RNF220: variants seen among roughly 807,000 people sequenced by gnomAD.
RNF220 encodes E3 ubiquitin-protein ligase RNF220.
A neutral mutation model predicts 67.1 loss-of-function variants in RNF220; 7 were observed. That is an observed-to-expected ratio of 0.10 (90% CI 0.06 to 0.20). The LOEUF (loss-of-function observed/expected upper bound fraction) is 0.20. Ranked by LOEUF, RNF220 falls within the 10% of genes least tolerant of loss-of-function variation. RNF220 has a pLI of 1.00. For missense variants in RNF220, 565 were observed against 740.3 expected (o/e 0.76, Z 2.75); for synonymous variants, 270 against 283.2 (o/e 0.95, Z 0.47).
chr1:44,548,256 A>G (rs1374957427), intron 2 of RNF220, among the ~76,000 whole-genome samples: 2 of 152,128 alleles, frequency 1.3e-5, no homozygotes, highest in Non-Finnish European at 2.9e-5. Context: ...TTCACCATCC[A>G]GTCTTTCTCC....
chr1:44,505,844 CCT>C (rs1312929177), intron 2 of RNF220, among the ~76,000 whole-genome samples: 1 of 151,952 alleles, frequency 6.6e-6, no homozygotes, highest in Non-Finnish European at 1.5e-5. Flanking sequence ...TTTCTTTTTT[CCT>C]CTTTCTTCGT....
At chr1:44,489,812 T>G (rs1656687111) in intron 2 of RNF220, among the ~76,000 whole-genome samples, 1 of 151,992 alleles carries the variant, frequency 6.6e-6, no homozygotes, top group Non-Finnish European at 1.5e-5. Context: ...TTCACCAGAA[T>G]CCCATTGGCT....
At chr1:44,436,458 A>C (rs1475388902) in intron 2 of RNF220, among the ~76,000 whole-genome samples, 1 of 152,146 alleles carries the variant, frequency 6.6e-6, no homozygotes, top group Non-Finnish European at 1.5e-5. Flanking sequence ...GAAAAGGCCC[A>C]ACAGTGTACA....
intron 2 of RNF220, among the ~76,000 whole-genome samples, chr1:44,574,144 A>G (rs376736834): frequency 2.0e-5 from 3 of 152,310 alleles, no homozygotes; most frequent in African/African-American, 7.2e-5. Flanking sequence ...TGAATGAACG[A>G]ATGAATGAAT....
chr1:44,421,817 G>A (rs908910635), intron 2 of RNF220, among the ~76,000 whole-genome samples: 2 of 152,154 alleles, frequency 1.3e-5, no homozygotes, highest in Non-Finnish European at 2.9e-5. Context: ...GGAGTAGGAG[G>A]ATGGGAGTGG....
intron 2 of RNF220, among the ~76,000 whole-genome samples, chr1:44,466,428 T>G (rs947030445): frequency 6.6e-6 from 1 of 152,194 alleles, no homozygotes; most frequent in Middle Eastern, 3.2e-3. Context: ...TTTGGCCCCC[T>G]CCCATGAATC....
rs2148449544 is a variant in RNF220, at chr1:44,622,388, G to C, written c.759-354G>C. On this transcript the variant is annotated intron_variant, in intron 3 of 14. Transcript: ENST00000361799. This position sits in a 1 kb window ranked among gnomAD's most constrained non-coding sequence, Gnocchi z 4.3. ...TCCCACAGGAGCTAAGAGCGGGCTGGGAACAGGGGGTGGAGAGAAGGGGGT... is the reference window on the plus strand; with the variant it reads ...TCCCACAGGAGCTAAGAGCGGGCTGCGAACAGGGGGTGGAGAGAAGGGGGT... Among the ~76,000 whole-genome samples the C allele has an allele frequency of 6.6e-6, 1 of 152,358 alleles. No homozygotes were observed. The highest frequency in any genetic ancestry group is 2.1e-4 in the South Asian group (1 of 4,830).
chr1:44,530,827 G>A (rs912921244), intron 2 of RNF220, among the ~76,000 whole-genome samples: 2 of 152,128 alleles, frequency 1.3e-5, no homozygotes, highest in Non-Finnish European at 2.9e-5. Flanking sequence ...GCCAGGCATG[G>A]TGGTGCACTC....
intron 2 of RNF220, among the ~76,000 whole-genome samples, chr1:44,563,061 CTT>C (rs1663709572): frequency 6.6e-6 from 1 of 152,192 alleles, no homozygotes; most frequent in Non-Finnish European, 1.5e-5. Flanking sequence ...GAATGAAGTG[CTT>C]TGGTGGGAAC....
At chr1:44,595,328 G>A (rs897678220) in intron 2 of RNF220, among the ~76,000 whole-genome samples, 3 of 152,126 alleles carry the variant, frequency 2.0e-5, no homozygotes, top group African/African-American at 4.8e-5. Context: ...TACTGGCCAC[G>A]GACACCTAGG....
chr1:44,513,404 T>C (rs1659189906), intron 2 of RNF220, among the ~76,000 whole-genome samples: 1 of 152,186 alleles, frequency 6.6e-6, no homozygotes, highest in Admixed American at 6.5e-5. Context: ...TTCTTTCTCC[T>C]CTTTTCTCTC....
intron 2 of RNF220, among the ~76,000 whole-genome samples, chr1:44,525,858 A>G (rs1218569166): frequency 6.6e-6 from 1 of 152,156 alleles, no homozygotes; most frequent in Non-Finnish European, 1.5e-5. Context: ...CTTCGTCTCA[A>G]AAATAATGAA....
intron 2 of RNF220, among the ~76,000 whole-genome samples, chr1:44,589,270 A>G (rs571202616): frequency 2.8e-4 from 43 of 152,268 alleles, no homozygotes; most frequent in African/African-American, 1.0e-3. Flanking sequence ...GCAAGTCACC[A>G]TGTTTCCCTG....
chr1:44,616,584 C>A (rs1012450830), intron 3 of RNF220, among the ~76,000 whole-genome samples: 10 of 152,084 alleles, frequency 6.6e-5, no homozygotes, highest in African/African-American at 2.2e-4. Flanking sequence ...CTTAATCACT[C>A]CCCATCCCTA....
intron 2 of RNF220, among the ~76,000 whole-genome samples, chr1:44,559,733 GCTGT>G (rs1053503862): frequency 1.3e-5 from 2 of 152,218 alleles, no homozygotes; most frequent in African/African-American, 4.8e-5. Context: ...AGCTTTGGAA[GCTGT>G]CAGTGCTAGC....
chr1:44,492,486 C>G (rs1474308613), intron 2 of RNF220, among the ~76,000 whole-genome samples: 1 of 152,166 alleles, frequency 6.6e-6, no homozygotes, highest in Non-Finnish European at 1.5e-5. Context: ...AAGTATTATT[C>G]ATGATAGCCA....
chr1:44,497,446 A>G (rs1657441326), intron 2 of RNF220, among the ~76,000 whole-genome samples: 2 of 152,124 alleles, frequency 1.3e-5, no homozygotes, highest in African/African-American at 4.8e-5. Flanking sequence ...AGGAGTCTCA[A>G]CCACCAGTGT....
At chr1:44,462,823 T>C (rs1329113873) in intron 2 of RNF220, among the ~76,000 whole-genome samples, 1 of 140,540 alleles carries the variant, frequency 7.1e-6, no homozygotes, top group Non-Finnish European at 1.5e-5. Context: ...GGTCAGGAGA[T>C]CGAGACCATC....
intron 2 of RNF220, chr1:44,572,898 C>A: frequency 8.0e-6 from 2 of 249,144 alleles, no homozygotes; most frequent in Admixed American, 4.1e-5. Context: ...GGATGTTGTT[C>A]ACCAAGTAAA....
Sources: gnomAD v4.1 joint callset for allele counts (sites outside exome capture counted in the v4.1 genomes callset) on GRCh38, gnomAD v4.1.1 for gene constraint, Gnocchi (gnomAD v3.1) non-coding constraint, MANE v1.5 for transcripts, NCBI Gene and HGNC (gene_info 2026-07-23, HGNC 2026-07-21) for gene names.